OTUD7A: variants seen among roughly 807,000 people sequenced by gnomAD.
OTUD7A encodes OTU deubiquitinase 7A.
OTUD7A carries 12 observed loss-of-function variants against 65.7 expected under a neutral mutation model. The observed-to-expected ratio is 0.18, with a 90% CI of 0.12 to 0.30. The LOEUF (loss-of-function observed/expected upper bound fraction) is 0.30. Among genes scored for constraint, OTUD7A ranks in the 10% least tolerant of loss-of-function variants. The probability of loss-of-function intolerance (pLI) is 1.00; values close to 1 mark genes in which losing one functional copy is unlikely to be tolerated. For synonymous variants in OTUD7A, 641 were observed against 586.3 expected, an observed-to-expected ratio of 1.09 and a Z score of -1.35; for missense variants, 1,148 against 1,304.8, an observed-to-expected ratio of 0.88 and a Z score of 1.85.
intron 1 of OTUD7A, among the ~76,000 whole-genome samples, chr15:31,866,082 A>T (rs370228191): frequency 2.0e-5 from 3 of 152,254 alleles, no homozygotes; most frequent in Non-Finnish European, 4.4e-5. Flanking sequence ...ACTAAGAGAG[A>T]TGTATTTAAA....
chr15:31,582,965 TA>T (rs1889416637), intron 3 of OTUD7A, among the ~76,000 whole-genome samples: 1 of 152,166 alleles, frequency 6.6e-6, no homozygotes. Flanking sequence ...TAATCAGCAT[TA>T]AAAAGAAGGA....
At chr15:31,570,437 G>A (rs949560747) in intron 3 of OTUD7A, among the ~76,000 whole-genome samples, 1 of 131,454 alleles carries the variant, frequency 7.6e-6, no homozygotes, top group African/African-American at 3.0e-5. Flanking sequence ...GAGCCTTTAG[G>A]TTCATACACA....
At chr15:31,842,247 A>T (rs1897200547) in intron 1 of OTUD7A, among the ~76,000 whole-genome samples, 1 of 152,232 alleles carries the variant, frequency 6.6e-6, no homozygotes, top group Admixed American at 6.5e-5. Flanking sequence ...GGGCTCCTGC[A>T]GTGTGGGTGT....
chr15:31,569,600 A>G (rs1888981899), intron 4 of OTUD7A, among the ~76,000 whole-genome samples: 1 of 152,240 alleles, frequency 6.6e-6, no homozygotes, highest in Admixed American at 6.5e-5. Flanking sequence ...TATAATAAGC[A>G]TATCTTACTT....
At chr15:31,657,536 T>C (rs1190525654) in intron 1 of OTUD7A, among the ~76,000 whole-genome samples, 8 of 149,614 alleles carry the variant, frequency 5.3e-5, no homozygotes, top group African/African-American at 9.8e-5. Context: ...TTTTTTTTTG[T>C]ATTTTTAGTA....
intron 3 of OTUD7A, among the ~76,000 whole-genome samples, chr15:31,642,075 G>A (rs1891533222): frequency 6.6e-6 from 1 of 152,148 alleles, no homozygotes; most frequent in Non-Finnish European, 1.5e-5. Flanking sequence ...TAAGATTGAG[G>A]AAGTTTTCTT....
chr15:31,659,907 G>C (rs573310824), intron 1 of OTUD7A, among the ~76,000 whole-genome samples: 1 of 152,370 alleles, frequency 6.6e-6, no homozygotes, highest in South Asian at 2.1e-4. Context: ...GCCTGGCTGG[G>C]TGCAAAGCCC....
chr15:31,647,235 C>G (rs1250901126), intron 3 of OTUD7A, among the ~76,000 whole-genome samples: 2 of 152,146 alleles, frequency 1.3e-5, no homozygotes, highest in African/African-American at 4.8e-5. Flanking sequence ...TTCATGGTCC[C>G]TAGACCACCT....
rs755395811 is a variant in OTUD7A at position 31,559,014 on chromosome 15, G to A, written c.505C>T (p.Arg169Trp). Residue 169 changes from arginine to tryptophan, a missense_variant, in exon 5 of 13, where the codon CGG becomes TGG. Arg to Trp is a moderately radical substitution (Grantham distance 101). Transcript: ENST00000307050. ...YSEDFRSFIERDLIEQATMVA... is the reference protein window; with the variant it reads ...YSEDFRSFIEWDLIEQATMVA... ...ATTGTTGCCTGCTCGATCAAGTCCC[G>A]CTCGATGAAGCTCCTGAAATCCTCG... is the stretch of plus-strand genomic sequence containing the variant. 7 of 1,614,182 alleles carry A rather than the reference G, an allele frequency of 4.3e-6. No individual in the cohort carries two copies. In the South Asian group the frequency reaches 5.5e-5, roughly 13 times the overall value.
chr15:31,597,494 C>T (rs1298808157), intron 3 of OTUD7A, among the ~76,000 whole-genome samples: 1 of 151,238 alleles, frequency 6.6e-6, no homozygotes, highest in Non-Finnish European at 1.5e-5. Context: ...TTTTAACATA[C>T]CATTTTACAG....
chr15:31,523,294 G>A (rs1214644087), intron 8 of OTUD7A, among the ~76,000 whole-genome samples: 1 of 152,232 alleles, frequency 6.6e-6, no homozygotes, highest in Non-Finnish European at 1.5e-5. Flanking sequence ...CAGGGAGGAG[G>A]GGCAGGAGGG....
intron 3 of OTUD7A, among the ~76,000 whole-genome samples, chr15:31,577,923 G>C (rs979290673): frequency 1.3e-5 from 2 of 151,792 alleles, no homozygotes; most frequent in African/African-American, 4.8e-5. Flanking sequence ...AATAACCAGA[G>C]AAACTCTGAA....
At chr15:31,857,045 T>G (rs530693347) in intron 1 of OTUD7A, among the ~76,000 whole-genome samples, 52 of 152,252 alleles carry the variant, frequency 3.4e-4, no homozygotes, top group African/African-American at 1.3e-3. Context: ...TCCTGAAAGG[T>G]ACCTAGTCTT....
At chr15:31,520,576 G>A (rs2041923855) in intron 8 of OTUD7A, among the ~76,000 whole-genome samples, 1 of 152,134 alleles carries the variant, frequency 6.6e-6, no homozygotes, top group South Asian at 2.1e-4. Flanking sequence ...AAACTCTTTT[G>A]GACATTGGCC....
chr15:31,730,825 C>A (rs568161988), intron 1 of OTUD7A, among the ~76,000 whole-genome samples: 1 of 152,180 alleles, frequency 6.6e-6, no homozygotes, highest in African/African-American at 2.4e-5. Context: ...AGAGTGAGCC[C>A]CACATGGTCT....
chr15:31,582,069 T>C (rs545453587), intron 3 of OTUD7A, among the ~76,000 whole-genome samples: 36 of 152,290 alleles, frequency 2.4e-4, no homozygotes, highest in African/African-American at 8.4e-4. Flanking sequence ...AGAAATTTCG[T>C]CTGCCAGATG....
intron 1 of OTUD7A, among the ~76,000 whole-genome samples, chr15:31,788,570 T>G (rs1028552141): frequency 6.6e-6 from 1 of 152,212 alleles, no homozygotes; most frequent in South Asian, 2.1e-4. Context: ...CATGAAAGAA[T>G]GCCCTAACCG....
At chr15:31,722,582 A>C (rs1256292393) in intron 1 of OTUD7A, among the ~76,000 whole-genome samples, 1 of 152,258 alleles carries the variant, frequency 6.6e-6, no homozygotes, top group Non-Finnish European at 1.5e-5. Flanking sequence ...GGTTCATCAC[A>C]GAAAGAGGTC....
In OTUD7A at chr15:31,839,342, C is replaced by A. The variant is rs139687894; in HGVS notation, c.-100+31165G>T. Among the ~76,000 whole-genome samples, 646 of 152,306 alleles carry A rather than the reference C, an allele frequency of 4.2e-3. 3 individuals are homozygous for A. Among genetic ancestry groups the A allele is most frequent in the African/African-American group, 0.014 (595 of 41,568 alleles). On this transcript the variant is annotated intron_variant, in intron 1 of 12. Transcript: ENST00000307050. ...AGGACACATGCTCACATTCCCATTTCTTCTTCTGTTTGCTCGTCAGCAGGA... is the reference window on the plus strand; with the variant it reads ...AGGACACATGCTCACATTCCCATTTATTCTTCTGTTTGCTCGTCAGCAGGA...
Sources: allele counts gnomAD v4.1 joint callset (sites outside exome capture counted in the v4.1 genomes callset), GRCh38; gene constraint gnomAD v4.1.1; transcripts MANE v1.5; gene names NCBI Gene and HGNC (gene_info 2026-07-23, HGNC 2026-07-21).